The following EPHB1 variants were observed in gnomAD, a reference collection of about 807,000 sequenced individuals.
EPHB1 encodes EPH receptor B1, also known as ephrin type-B receptor 1.
Under a neutral mutation model 94.4 loss-of-function variants are expected in EPHB1, and 30 were observed. The observed-to-expected ratio is 0.32, with a 90% CI of 0.24 to 0.43. The LOEUF is 0.43. Among genes scored for constraint, EPHB1 ranks in the 20% least tolerant of loss-of-function variants. The probability of loss-of-function intolerance (pLI) is 1.00; values close to 1 mark genes in which losing one functional copy is unlikely to be tolerated. For synonymous variants in EPHB1, 522 were observed against 489.1 expected, an observed-to-expected ratio of 1.07 and a Z score of -0.89; for missense variants, 1,055 against 1,308.3, an observed-to-expected ratio of 0.81 and a Z score of 2.99.
intron 12 of EPHB1, among the ~76,000 whole-genome samples, chr3:135,209,361 A>G (rs902329068): frequency 2.0e-5 from 3 of 152,246 alleles, no homozygotes; most frequent in African/African-American, 7.2e-5. Context: ...AACTTTACAG[A>G]GAAGTTTGGC....
Position 135,099,318 on chromosome 3 carries a change from TGGACGGATGGATGGAC to T in EPHB1, c.806-7126_806-7111del, listed in dbSNP as rs1304766196. Among the ~76,000 whole-genome samples the T allele has an allele frequency of 1.5e-3, 32 of 21,170 alleles. No homozygotes were observed. The East Asian group carries it at 0.21, about 142-fold the overall frequency. 13.9% of individuals were successfully genotyped at this position (21,170 alleles called of 152,430 possible). ...TACATTGGATGGATGGATGGATGGA[TGGACGGATGGATGGAC>T]GGATGGATGGATGGATGGATGGATG... On this transcript the variant is annotated intron_variant, in intron 3 of 15. Transcript: ENST00000398015.
chr3:135,128,569 A>G (rs1261292167), intron 4 of EPHB1, among the ~76,000 whole-genome samples: 1 of 152,232 alleles, frequency 6.6e-6, no homozygotes, highest in Non-Finnish European at 1.5e-5. Context: ...CCTCATGGGA[A>G]TAAGAGACAG....
intron 12 of EPHB1, among the ~76,000 whole-genome samples, chr3:135,219,437 G>A (rs1029855570): frequency 2.0e-5 from 3 of 151,834 alleles, no homozygotes; most frequent in African/African-American, 7.3e-5. Flanking sequence ...ACAAGGAGAA[G>A]ATGGCCATGT....
chr3:134,892,475 ACT>A (rs1286085145), intron 1 of EPHB1, among the ~76,000 whole-genome samples: 1 of 152,160 alleles, frequency 6.6e-6, no homozygotes, highest in East Asian at 1.9e-4. Flanking sequence ...GAGGTTCCCA[ACT>A]CTATTTGCGT....
chr3:135,182,039 A>C (rs1465551087), intron 10 of EPHB1, among the ~76,000 whole-genome samples: 3 of 152,216 alleles, frequency 2.0e-5, no homozygotes, highest in Non-Finnish European at 4.4e-5. Context: ...TCCCAGAGCG[A>C]ATCCTTGTGG....
chr3:135,144,192 G>T (rs1940931540), intron 5 of EPHB1, among the ~76,000 whole-genome samples: 2 of 152,204 alleles, frequency 1.3e-5, no homozygotes, highest in African/African-American at 2.4e-5. Context: ...TTCTGGTTCT[G>T]CACTAACCTC....
At chr3:134,993,473 C>A (rs1236857521) in intron 3 of EPHB1, among the ~76,000 whole-genome samples, 1 of 152,146 alleles carries the variant, frequency 6.6e-6, no homozygotes, top group East Asian at 1.9e-4. Context: ...ATCAATTGAT[C>A]GGGGACTGGA....
chr3:135,128,213 C>T (rs1204616906), intron 4 of EPHB1, among the ~76,000 whole-genome samples: 1 of 152,246 alleles, frequency 6.6e-6, no homozygotes. Flanking sequence ...GCTTCCCTCT[C>T]TGCTCCCCCT....
intron 3 of EPHB1, among the ~76,000 whole-genome samples, chr3:135,022,140 C>T (rs36053): frequency 0.056 from 8,547 of 152,192 alleles, 791 homozygotes; most frequent in African/African-American, 0.19. Context: ...CCACCATGCC[C>T]GGCTAATTTT....
intron 1 of EPHB1, among the ~76,000 whole-genome samples, chr3:134,881,864 T>C (rs1391524673): frequency 6.6e-6 from 1 of 152,192 alleles, no homozygotes; most frequent in Non-Finnish European, 1.5e-5. Context: ...TGCCATGACA[T>C]CTGACCATGG....
chr3:134,983,436 G>T, intron 3 of EPHB1, among the ~76,000 whole-genome samples: 1 of 152,238 alleles, frequency 6.6e-6, no homozygotes, highest in Non-Finnish European at 1.5e-5. Flanking sequence ...TCTCATCATG[G>T]CTCAGTGGGG....
intron 13 of EPHB1, among the ~76,000 whole-genome samples, chr3:135,247,651 C>CTGAT (rs748608423): frequency 1.3e-5 from 2 of 152,216 alleles, no homozygotes; most frequent in African/African-American, 4.8e-5. Context: ...TTACCAAAAT[C>CTGAT]TGATTGACGG....
At chr3:135,115,126 C>T (rs943536816) in intron 4 of EPHB1, among the ~76,000 whole-genome samples, 1 of 152,148 alleles carries the variant, frequency 6.6e-6, no homozygotes, top group Non-Finnish European at 1.5e-5. Context: ...TTGTGAAGTT[C>T]CAGAAGGAGG....
chr3:135,225,615 A>C (rs1015833000), intron 12 of EPHB1, among the ~76,000 whole-genome samples: 1 of 152,114 alleles, frequency 6.6e-6, no homozygotes, highest in Non-Finnish European at 1.5e-5. Context: ...AGATTCCATA[A>C]AACTCTGGAA....
intron 2 of EPHB1, among the ~76,000 whole-genome samples, chr3:134,933,449 T>C (rs2107705916): frequency 1.6e-5 from 2 of 123,980 alleles, no homozygotes; most frequent in South Asian, 5.3e-4. Context: ...TCCATTCCTG[T>C]GTTGTGGAGA....
At chr3:135,205,205 G>A (rs1020031488) in intron 12 of EPHB1, among the ~76,000 whole-genome samples, 3 of 152,040 alleles carry the variant, frequency 2.0e-5, no homozygotes, top group African/African-American at 7.2e-5. Flanking sequence ...TCAACTGACT[G>A]CTAGTGACAT....
intron 15 of EPHB1, among the ~76,000 whole-genome samples, chr3:135,256,368 T>G (rs1189239825): frequency 1.3e-5 from 2 of 152,222 alleles, no homozygotes; most frequent in Non-Finnish European, 2.9e-5. Context: ...GGTTGTTCCT[T>G]TCCATATTTA....
At chr3:135,211,435 TCAG>T (rs1384216894) in intron 12 of EPHB1, among the ~76,000 whole-genome samples, 7 of 152,260 alleles carry the variant, frequency 4.6e-5, no homozygotes, top group African/African-American at 1.7e-4. Context: ...CATCATTCCT[TCAG>T]TCTGAAGAAC....
At chr3:134,801,049 G>A (rs1403610274) in intron 1 of EPHB1, among the ~76,000 whole-genome samples, 1 of 152,224 alleles carries the variant, frequency 6.6e-6, no homozygotes, top group Non-Finnish European at 1.5e-5. Flanking sequence ...CTAGGGGAGG[G>A]AAGGGTTCTA....
Sources: gnomAD v4.1 joint callset for allele counts (sites outside exome capture counted in the v4.1 genomes callset) on GRCh38, gnomAD v4.1.1 for gene constraint, MANE v1.5 for transcripts, NCBI Gene and HGNC (gene_info 2026-07-23, HGNC 2026-07-21) for gene names.